The following STRN3 variants were observed in gnomAD, a reference collection of about 807,000 sequenced individuals.
The protein encoded by STRN3 is striatin-3.
Under a neutral mutation model 95.6 loss-of-function variants are expected in STRN3, and 29 were observed. The ratio of observed to expected loss-of-function variants is 0.30; its 90% confidence interval spans 0.23 to 0.41. STRN3 has a LOEUF of 0.41. Ranked by LOEUF, STRN3 falls within the 10% of genes least tolerant of loss-of-function variation. The pLI, the probability that STRN3 is intolerant of heterozygous loss-of-function variation, is 1.00. For missense variants in STRN3, 890 were observed against 972.1 expected (o/e 0.92, Z 1.12); for synonymous variants, 331 against 357.6 (o/e 0.93, Z 0.84).
chr14:30,982,222 G>T (rs1360616709), intron 1 of STRN3, among the ~76,000 whole-genome samples: 3 of 151,256 alleles, frequency 2.0e-5, no homozygotes, highest in South Asian at 2.1e-4. Context: ...AAGGTTTAAT[G>T]AATTATAAAA....
At chr14:30,929,125 CAAAG>C (rs1566440805) in intron 8 of STRN3, 72 bp downstream of exon 8, 3 of 1,262,072 alleles carry the variant, frequency 2.4e-6, no homozygotes, top group Non-Finnish European at 3.3e-6. Flanking sequence ...TTAAGTTACA[CAAAG>C]AAACAGAATT....
chr14:31,014,683 C>G (rs958984000), intron 1 of STRN3: 1 of 458,016 alleles, frequency 2.2e-6, no homozygotes, highest in East Asian at 6.9e-5. Flanking sequence ...AATACCAATA[C>G]CTTGTGTTTA....
At chr14:30,997,856 C>A (rs1356940332) in intron 1 of STRN3, among the ~76,000 whole-genome samples, 1 of 152,060 alleles carries the variant, frequency 6.6e-6, no homozygotes, top group Non-Finnish European at 1.5e-5. Flanking sequence ...CTCTGAAAAT[C>A]TCTCCTTCAT....
chr14:30,956,292 A>G, intron 1 of STRN3, 50 bp from the exon 2 acceptor site: 15 of 1,532,440 alleles, frequency 9.8e-6, no homozygotes, highest in Non-Finnish European at 1.3e-5. Context: ...AACCATACAT[A>G]GGAAACTGAA....
intron 4 of STRN3, among the ~76,000 whole-genome samples, chr14:30,947,870 A>T (rs929954127): frequency 2.0e-5 from 3 of 152,202 alleles, no homozygotes; most frequent in African/African-American, 7.2e-5. Context: ...AAGGGACTAG[A>T]TTATGATACA....
At chr14:30,958,401 A>T (rs1880026721) in intron 1 of STRN3, among the ~76,000 whole-genome samples, 1 of 152,220 alleles carries the variant, frequency 6.6e-6, no homozygotes, top group Non-Finnish European at 1.5e-5. Context: ...TAGGAGGAAT[A>T]ATAAAAGTTC....
At chr14:31,014,248 T>C (rs1414888051) in intron 1 of STRN3, among the ~76,000 whole-genome samples, 4 of 151,786 alleles carry the variant, frequency 2.6e-5, no homozygotes, top group Non-Finnish European at 5.9e-5. Context: ...TGAGACAGAG[T>C]CTTGCTCTGT....
chr14:30,916,506 A>C (rs958445290), intron 9 of STRN3, among the ~76,000 whole-genome samples: 1 of 152,048 alleles, frequency 6.6e-6, no homozygotes, highest in Non-Finnish European at 1.5e-5. Flanking sequence ...CGATCTCCTG[A>C]CCTCGTGATC....
At chr14:30,918,297 AG>A (rs1896790774) in intron 9 of STRN3, among the ~76,000 whole-genome samples, 2 of 152,156 alleles carry the variant, frequency 1.3e-5, no homozygotes, top group Non-Finnish European at 2.9e-5. Flanking sequence ...ACTTGAGGTC[AG>A]GAGTTCGAGA....
intron 1 of STRN3, among the ~76,000 whole-genome samples, chr14:30,966,768 G>A (rs1020309261): frequency 2.4e-4 from 36 of 152,124 alleles, no homozygotes; most frequent in African/African-American, 7.5e-4. Flanking sequence ...CGGAGTGAGT[G>A]GGTCCTCTCC....
intron 16 of STRN3, among the ~76,000 whole-genome samples, chr14:30,898,368 G>T (rs760489766): frequency 1.3e-5 from 2 of 152,060 alleles, no homozygotes; most frequent in Non-Finnish European, 2.9e-5. Flanking sequence ...TAAACCAAAA[G>T]ACTTTTTTCC....
chr14:31,006,309 C>G (rs1882711256), intron 1 of STRN3, among the ~76,000 whole-genome samples: 1 of 152,012 alleles, frequency 6.6e-6, no homozygotes, highest in Non-Finnish European at 1.5e-5. Flanking sequence ...AATCCTAGAA[C>G]TCTGAAAGGC....
chr14:30,940,029 GT>G (rs531568767), intron 5 of STRN3, among the ~76,000 whole-genome samples: 23 of 146,232 alleles, frequency 1.6e-4, no homozygotes, highest in Admixed American at 5.5e-4. Context: ...TGCCTAGTGT[GT>G]TTTTTTTTTA....
At position 30,994,019 on chromosome 14, in the gene STRN3, G is replaced by A. The variant is rs527861967; in HGVS notation, c.282+31885C>T. On this transcript the variant is annotated intron_variant, in intron 1 of 17. Transcript: ENST00000357479. ...CAGCCTCCCAAGTAGCTGGGAATAC[G>A]GGCATGTGCCACCACACCCAGCTAA... is the stretch of plus-strand genomic sequence containing the variant. Among the ~76,000 whole-genome samples, 11 of 151,296 alleles carry A rather than the reference G, an allele frequency of 7.3e-5. No individual in the cohort carries two copies. The East Asian group carries it at 1.2e-3, about 16-fold the overall frequency.
At chr14:30,906,755 T>A in intron 14 of STRN3, 122 bp downstream of exon 14, 1 of 1,119,610 alleles carries the variant, frequency 8.9e-7, no homozygotes. Flanking sequence ...ATCCTAACTT[T>A]TACAAAATTC....
rs545596482 is a variant in STRN3 at position 30,977,186 on chromosome 14, A to G, written c.283-20944T>C. 7.9e-5 allele frequency among the ~76,000 whole-genome samples: 12 copies of G among 152,014 alleles called. No individual in the cohort carries two copies. In the East Asian group the frequency reaches 2.3e-3, roughly 30 times the overall value. On this transcript the variant is annotated intron_variant, in intron 1 of 17. Coordinates refer to ENST00000357479, the MANE Select transcript of STRN3 (RefSeq NM_001083893.2). ...GGCTGCAGTGAGCAGATATCGTGCC[A>G]GTGCACTCCAGCCTGGGCAACAAGA...
chr14:30,985,967 C>A (rs567472881), intron 1 of STRN3, among the ~76,000 whole-genome samples: 1 of 152,240 alleles, frequency 6.6e-6, no homozygotes, highest in African/African-American at 2.4e-5. Flanking sequence ...ATCATAAGCA[C>A]TTGTGTGCAT....
At chr14:30,967,127 C>T (rs1269907327) in intron 1 of STRN3, among the ~76,000 whole-genome samples, 1 of 151,858 alleles carries the variant, frequency 6.6e-6, no homozygotes, top group Non-Finnish European at 1.5e-5. Flanking sequence ...GAACCTGACA[C>T]AACCCCCCAC....
chr14:30,999,169 G>C (rs1882331541), intron 1 of STRN3, among the ~76,000 whole-genome samples: 1 of 152,116 alleles, frequency 6.6e-6, no homozygotes, highest in South Asian at 2.1e-4. Flanking sequence ...TCAGCCTCCT[G>C]AGGTGCTGGG....
Sources: gnomAD v4.1 joint callset for allele counts (sites outside exome capture counted in the v4.1 genomes callset) on GRCh38, gnomAD v4.1.1 for gene constraint, MANE v1.5 for transcripts, NCBI Gene and HGNC (gene_info 2026-07-23, HGNC 2026-07-21) for gene names.